The following ANKRD17 variants were observed in gnomAD, a reference collection of about 807,000 sequenced individuals.
ANKRD17 encodes the protein ankyrin repeat domain 17.
In ANKRD17, 19 loss-of-function variants were observed where a neutral mutation model predicts 229.7. That is an observed-to-expected ratio of 0.08 (90% CI 0.06 to 0.12). ANKRD17 has a LOEUF of 0.12. Among genes scored for constraint, ANKRD17 ranks in the 10% least tolerant of loss-of-function variants. The pLI is 1.00. For synonymous variants in ANKRD17, 1,112 were observed against 1,146.1 expected (o/e 0.97, Z 0.60); for missense variants, 2,176 against 3,176.8 (o/e 0.68, Z 7.57).
At chr4:73,126,890 G>A (rs927309857) in intron 16 of ANKRD17, among the ~76,000 whole-genome samples, 1 of 152,020 alleles carries the variant, frequency 6.6e-6, no homozygotes, top group Non-Finnish European at 1.5e-5. Context: ...CTGCCACCAC[G>A]CCCAGCTAGA....
At chr4:73,131,675 G>A (rs1728218807) in intron 16 of ANKRD17, among the ~76,000 whole-genome samples, 1 of 152,168 alleles carries the variant, frequency 6.6e-6, no homozygotes, top group African/African-American at 2.4e-5. Context: ...GAGTGTCTGA[G>A]TTCAAAAGTA....
At chr4:73,127,720 T>C (rs1226461580) in intron 16 of ANKRD17, among the ~76,000 whole-genome samples, 2 of 152,214 alleles carry the variant, frequency 1.3e-5, no homozygotes, top group Non-Finnish European at 2.9e-5. Flanking sequence ...ATTCAAAAAC[T>C]GTTACTAATA....
chr4:73,096,738 G>T (rs1723344476), intron 27 of ANKRD17, among the ~76,000 whole-genome samples: 1 of 152,018 alleles, frequency 6.6e-6, no homozygotes, highest in Non-Finnish European at 1.5e-5. Flanking sequence ...TTAAAATAAA[G>T]TTATCTTATG....
Position 73,139,967 on chromosome 4 carries a change from C to T in ANKRD17, c.2649G>A (p.Gln883=), listed in dbSNP as rs764400227. Residue 883 remains glutamine (Q), a synonymous_variant, in exon 15 of 34, where the codon CAG becomes CAA. Transcript: ENST00000358602. ...TAACCTCTAGATACTGCTTTTTTAGCTGCTGCTGAGTTTTCAGTTGTAACT... is the reference window on the plus strand; with the variant it reads ...TAACCTCTAGATACTGCTTTTTTAGTTGCTGCTGAGTTTTCAGTTGTAACT... ...ERELQLKTQQ[Q]LKKQYLEVKA... The T allele has an allele frequency of 3.1e-6, 5 of 1,614,080 alleles. No homozygotes were observed. The highest frequency in any genetic ancestry group is 1.1e-5 in the South Asian group (1 of 91,064).
In ANKRD17 at chr4:73,091,511, T is replaced by C. The variant is rs1417383294; in HGVS notation, c.6117A>G (p.Pro2039=). Residue 2039 remains proline (P), a synonymous_variant, in exon 29 of 34, where the codon CCA becomes CCG. Transcript: ENST00000358602. ...YPMPTAKEHY[P]VSSPSSPSPP... The stretch of plus-strand genomic sequence containing the variant: ...GTGATGGGGAAGATGGGGATGATAC[T>C]GGATAGTGTTCTTTGGCAGTAGGCA... The C allele has an allele frequency of 6.8e-6, 11 of 1,614,138 alleles. No individual in the cohort carries two copies. Among genetic ancestry groups the C allele is most frequent in the Admixed American group, 5.0e-5 (3 of 60,018 alleles).
At chr4:73,096,642 C>T (rs1219747109) in intron 27 of ANKRD17, among the ~76,000 whole-genome samples, 1 of 152,110 alleles carries the variant, frequency 6.6e-6, no homozygotes, top group African/African-American at 2.4e-5. Context: ...CCTCCTTTTA[C>T]GTTTCTGAGA....
intron 1 of ANKRD17, among the ~76,000 whole-genome samples, chr4:73,226,723 T>C (rs1401098378): frequency 6.6e-6 from 1 of 152,068 alleles, no homozygotes; most frequent in African/African-American, 2.4e-5. Context: ...TTCTTTCTTT[T>C]TCTTTTTTGA....
At chr4:73,086,189 T>C (rs1050838378) in intron 29 of ANKRD17, among the ~76,000 whole-genome samples, 2 of 152,230 alleles carry the variant, frequency 1.3e-5, no homozygotes, top group African/African-American at 4.8e-5. Context: ...AAGTGGACTT[T>C]TGTTGCCTTT....
chr4:73,165,460 T>C (rs921599918), intron 2 of ANKRD17, among the ~76,000 whole-genome samples: 1 of 152,188 alleles, frequency 6.6e-6, no homozygotes, highest in African/African-American at 2.4e-5. Context: ...CTCAGCCCCA[T>C]TCCCACTGTC....
At chr4:73,079,206 C>T (rs1721302407) in intron 30 of ANKRD17, among the ~76,000 whole-genome samples, 1 of 151,998 alleles carries the variant, frequency 6.6e-6, no homozygotes, top group Non-Finnish European at 1.5e-5. Context: ...AAAAAACAAA[C>T]CAACAACAAC....
rs766396062 is a variant in ANKRD17 at position 73,077,040 on chromosome 4, G to A, written c.7652C>T (p.Ala2551Val). 6.2e-7 allele frequency: 1 copy of A among 1,613,626 alleles called. No individual in the cohort carries two copies. Among genetic ancestry groups the A allele is most frequent in the Non-Finnish European group, 8.5e-7 (1 of 1,179,828 alleles). Residue 2551 changes from alanine (A) to valine (V), a missense_variant, in exon 33 of 34, where the codon GCT becomes GTT. This residue lies in a region of ANKRD17 where 159 missense variants were observed against 214.3 expected (regional missense o/e 0.74). Coordinates refer to ENST00000358602, the MANE Select transcript of ANKRD17 (RefSeq NM_032217.5). ...IPPVAPIPDGAGGPIFNGPHA... is the reference protein window; with the variant it reads ...IPPVAPIPDGVGGPIFNGPHA... ...AGGGCCATTAAATATGGGTCCTCCA[G>A]CACCATCAGGGATAGGTGCTACTGG...
chr4:73,241,660 C>T (rs947167263), intron 1 of ANKRD17, among the ~76,000 whole-genome samples: 1 of 151,974 alleles, frequency 6.6e-6, no homozygotes, highest in African/African-American at 2.4e-5. Context: ...AAAAAGGATG[C>T]ACATAAACTG....
Position 73,172,277 on chromosome 4 carries a change from T to C in ANKRD17, c.547+5103A>G, listed in dbSNP as rs561618111. On this transcript the variant is annotated intron_variant, in intron 2 of 33. Coordinates refer to ENST00000358602, the MANE Select transcript of ANKRD17 (RefSeq NM_032217.5). ...CAGGAGAGAGTGGCATGACATAAAG[T>C]ACTGAAGGCAAAAAAATTTTATCCT... Among the ~76,000 whole-genome samples the C allele has an allele frequency of 6.6e-5, 10 of 152,268 alleles. No homozygotes were observed. The East Asian group carries it at 1.5e-3, about 23-fold the overall frequency.
At chr4:73,142,587 A>C in intron 12 of ANKRD17, 53 bp downstream of exon 12, 2 of 1,612,886 alleles carry the variant, frequency 1.2e-6, no homozygotes, top group Non-Finnish European at 1.7e-6. Flanking sequence ...TGTAACAATG[A>C]CCAAGAGAGA....
At chr4:73,253,094 A>G (rs751232273) in intron 1 of ANKRD17, among the ~76,000 whole-genome samples, 31 of 152,234 alleles carry the variant, frequency 2.0e-4, no homozygotes, top group Non-Finnish European at 4.6e-4. Context: ...TCCCAGGTTC[A>G]ATCCCATTCT....
chr4:73,254,368 A>C (rs1329253279), intron 1 of ANKRD17, among the ~76,000 whole-genome samples: 1 of 152,208 alleles, frequency 6.6e-6, no homozygotes, highest in Non-Finnish European at 1.5e-5. Flanking sequence ...ATTTAGTCAC[A>C]GGTTACTTAC....
chr4:73,090,430 A>T (rs1403782621), intron 29 of ANKRD17, among the ~76,000 whole-genome samples: 1 of 152,182 alleles, frequency 6.6e-6, no homozygotes, highest in African/African-American at 2.4e-5. Context: ...CAAACAAAAA[A>T]ACCCCGCCTG....
rs766938365 is a variant in ANKRD17 at position 73,146,715 on chromosome 4, T to A, written c.1869+49A>T. 3 of 1,323,106 alleles carry A rather than the reference T, an allele frequency of 2.3e-6. No individual in the cohort carries two copies. The African/African-American group carries it at 4.5e-5, about 20-fold the overall frequency. The allele number at this position is 1,323,106 out of a possible 1,614,324, so 82.0% of individuals were successfully genotyped here. ...TGTCTAGACTCTCCATAATTTAAAATTAATTTCTTATTGTTAAATATTAAG... is the reference window on the plus strand; with the variant it reads ...TGTCTAGACTCTCCATAATTTAAAAATAATTTCTTATTGTTAAATATTAAG... On this transcript the variant is annotated intron_variant, in intron 10 of 33. Transcript: ENST00000358602.
chr4:73,102,647 A>G (rs1254452720), intron 24 of ANKRD17, 100 bp from the exon 25 acceptor site: 1 of 1,362,280 alleles, frequency 7.3e-7, no homozygotes, highest in Non-Finnish European at 1.0e-6. Context: ...TGATATCATA[A>G]AATTCAAAGT....
Sources: allele counts gnomAD v4.1 joint callset (sites outside exome capture counted in the v4.1 genomes callset), GRCh38; gene constraint gnomAD v4.1.1; regional missense constraint gnomAD v4.1.1; transcripts MANE v1.5; gene names NCBI Gene and HGNC (gene_info 2026-07-23, HGNC 2026-07-21).